Variants in PTPRM observed in about 807,000 individuals in gnomAD.
PTPRM encodes the protein receptor-type tyrosine-protein phosphatase mu.
Under a neutral mutation model 186.7 loss-of-function variants are expected in PTPRM, and 47 were observed. The observed-to-expected ratio is 0.25, with a 90% CI of 0.20 to 0.32. The LOEUF (loss-of-function observed/expected upper bound fraction) is 0.32. Among genes scored for constraint, PTPRM ranks in the 10% least tolerant of loss-of-function variants. PTPRM has a pLI of 1.00. For synonymous variants in PTPRM, 668 were observed against 674.9 expected (o/e 0.99, Z 0.16); for missense variants, 1,494 against 1,865.0 (o/e 0.80, Z 3.66).
At chr18:8,190,001 A>T (rs1410114633) in intron 14 of PTPRM, among the ~76,000 whole-genome samples, 1 of 152,214 alleles carries the variant, frequency 6.6e-6, no homozygotes, top group African/African-American at 2.4e-5. Flanking sequence ...CTTGTAGAGT[A>T]CTTTTTAAAT....
chr18:8,133,018 G>T (rs1459921313), intron 13 of PTPRM, among the ~76,000 whole-genome samples: 1 of 152,124 alleles, frequency 6.6e-6, no homozygotes, highest in East Asian at 1.9e-4. Flanking sequence ...AGAGCATTTT[G>T]CTGGTATCTG....
chr18:8,387,020 A>G (rs1217755864), intron 30 of PTPRM, 52 bp from the exon 31 acceptor site: 1 of 1,508,746 alleles, frequency 6.6e-7, no homozygotes, highest in Non-Finnish European at 9.2e-7. Context: ...GGAATTCAGT[A>G]AATAATGCCT....
intron 1 of PTPRM, among the ~76,000 whole-genome samples, chr18:7,712,571 C>T (rs186235291): frequency 5.9e-4 from 90 of 151,772 alleles, no homozygotes; most frequent in African/African-American, 1.6e-3. Flanking sequence ...CAATCTCCTG[C>T]GAACTAAAGG....
chr18:8,241,080 T>A (rs1446255292), intron 14 of PTPRM, among the ~76,000 whole-genome samples: 1 of 152,100 alleles, frequency 6.6e-6, no homozygotes, highest in Non-Finnish European at 1.5e-5. Context: ...GTAATCCCAG[T>A]ACTTTGGGAG....
chr18:7,792,276 TAC>T (rs2043379190), intron 2 of PTPRM, among the ~76,000 whole-genome samples: 1 of 152,212 alleles, frequency 6.6e-6, no homozygotes, highest in South Asian at 2.1e-4. Context: ...GTCTGTATGC[TAC>T]ATTTAATTCA....
chr18:7,581,351 T>A (rs1222567492), intron 1 of PTPRM, among the ~76,000 whole-genome samples: 1 of 152,156 alleles, frequency 6.6e-6, no homozygotes, highest in African/African-American at 2.4e-5. Flanking sequence ...CTCCTGTGAT[T>A]GGGCTCCAAG....
At chr18:7,651,650 G>A (rs2038708062) in intron 1 of PTPRM, among the ~76,000 whole-genome samples, 1 of 151,940 alleles carries the variant, frequency 6.6e-6, no homozygotes, top group Non-Finnish European at 1.5e-5. Context: ...AAGCAATGGG[G>A]AAAGGATTCC....
chr18:8,347,025 GAGGTAT>G (rs1196101302), intron 23 of PTPRM, among the ~76,000 whole-genome samples: 2 of 152,158 alleles, frequency 1.3e-5, no homozygotes, highest in Non-Finnish European at 2.9e-5. Flanking sequence ...CTTCCCCTGA[GAGGTAT>G]AGTCCCATCT....
intron 1 of PTPRM, among the ~76,000 whole-genome samples, chr18:7,601,783 A>G (rs1020850900): frequency 2.6e-5 from 4 of 152,208 alleles, no homozygotes; most frequent in African/African-American, 9.6e-5. Flanking sequence ...GGTGTTCATT[A>G]TTCAACCTGC....
chr18:7,903,571 C>G (rs762816597), intron 3 of PTPRM, among the ~76,000 whole-genome samples: 1 of 152,210 alleles, frequency 6.6e-6, no homozygotes, highest in Non-Finnish European at 1.5e-5. Context: ...TAGTAGTAGA[C>G]AGATAAATTA....
rs148275828 is a variant in PTPRM at position 7,938,322 on chromosome 18, T to C, written c.664-10859T>C. On this transcript the variant is annotated intron_variant, in intron 5 of 32. Transcript: ENST00000580170. The stretch of plus-strand genomic sequence containing the variant: ...GAAGAGTTGTATATTTTAAGGCATA[T>C]TGACTAAGGAAAAGTGACGTTATTA... Among the ~76,000 whole-genome samples the C allele has an allele frequency of 8.1e-3, 1,240 of 152,320 alleles. 7 individuals are homozygous for C. Among genetic ancestry groups the C allele is most frequent in the South Asian group, 0.033 (157 of 4,822 alleles).
chr18:7,935,955 C>T (rs930226647), intron 5 of PTPRM, among the ~76,000 whole-genome samples: 7 of 152,226 alleles, frequency 4.6e-5, no homozygotes. Context: ...TTTGGCCCTA[C>T]AAACCATACA....
rs115892325 is a variant in PTPRM at position 8,261,628 on chromosome 18, G to A, written c.2754+8214G>A. Among the ~76,000 whole-genome samples the A allele has an allele frequency of 7.4e-3, 1,122 of 152,126 alleles. 12 individuals carry two copies. Among genetic ancestry groups the A allele is most frequent in the African/African-American group, 0.025 (1,057 of 41,476 alleles). ...TGCTTCACTCAGTCCGCCTGCTTTCGGGGCCTCTTTCACATCAGCTAATTT... is the reference window on the plus strand; with the variant it reads ...TGCTTCACTCAGTCCGCCTGCTTTCAGGGCCTCTTTCACATCAGCTAATTT... On this transcript the variant is annotated intron_variant, in intron 19 of 32. Transcript: ENST00000580170.
chr18:7,869,673 G>T (rs534209127), intron 2 of PTPRM, among the ~76,000 whole-genome samples: 1 of 152,276 alleles, frequency 6.6e-6, no homozygotes, highest in South Asian at 2.1e-4. Context: ...CAGTTTTTTA[G>T]ATTTTTAAGC....
intron 7 of PTPRM, among the ~76,000 whole-genome samples, chr18:7,972,463 A>AT (rs1169327319): frequency 4.1e-4 from 1 of 2,446 alleles, no homozygotes; most frequent in Non-Finnish European, 0.056. Flanking sequence ...AAGTATAATT[A>AT]AAAAAAAAAA....
Position 8,015,874 on chromosome 18 carries a change from A to G in PTPRM, c.1133-53812A>G, listed in dbSNP as rs75619909. On this transcript the variant is annotated intron_variant, in intron 7 of 32. Transcript: ENST00000580170. ...CCTACAGGTAGGAAAAATTGCATTT[A>G]TCTGAATTAATCTTGGAGTGAATAC... 8.0e-3 allele frequency among the ~76,000 whole-genome samples: 1,218 copies of G among 152,310 alleles called. 15 individuals are homozygous for G. The highest frequency in any genetic ancestry group is 0.028 in the African/African-American group (1,149 of 41,548).
At position 8,296,463 on chromosome 18, in the gene PTPRM, T is replaced by C. The variant is rs1404603610; in HGVS notation, c.2842+8T>C. 6.3e-7 allele frequency: 1 copy of C among 1,578,932 alleles called. No individual in the cohort carries two copies. The highest frequency in any genetic ancestry group is 8.7e-7 in the Non-Finnish European group (1 of 1,148,230). The stretch of plus-strand genomic sequence containing the variant: ...ACGGGAATATCATTGCATGTAAGTG[T>C]CAACAGTGTCATTGTGCTGTTGTAG... On this transcript the variant is annotated splice_region_variant and intron_variant, in intron 20 of 32. Transcript: ENST00000580170.
intron 1 of PTPRM, among the ~76,000 whole-genome samples, chr18:7,666,082 C>A (rs538911700): frequency 6.6e-6 from 1 of 152,046 alleles, no homozygotes; most frequent in Admixed American, 6.6e-5. Context: ...AAAGACATAT[C>A]GTTAGAATAC....
intron 1 of PTPRM, among the ~76,000 whole-genome samples, chr18:7,663,802 GA>G (rs561062978): frequency 9.7e-4 from 148 of 152,346 alleles, no homozygotes; most frequent in Non-Finnish European, 1.4e-3. Flanking sequence ...CCTCAGGGCT[GA>G]GGATAATTGC....
Sources: gnomAD v4.1 joint callset for allele counts (sites outside exome capture counted in the v4.1 genomes callset) on GRCh38, gnomAD v4.1.1 for gene constraint, MANE v1.5 for transcripts, NCBI Gene and HGNC (gene_info 2026-07-23, HGNC 2026-07-21) for gene names.